The following ABTB2 variants were observed in gnomAD, a reference collection of about 807,000 sequenced individuals.
ABTB2 encodes the protein ankyrin repeat and BTB domain containing 2.
In ABTB2, 56 loss-of-function variants were observed where a neutral mutation model predicts 104.1. The observed-to-expected ratio is 0.54, with a 90% confidence interval of 0.43 to 0.67. The LOEUF (loss-of-function observed/expected upper bound fraction) is 0.67. ABTB2 is among the 30% of genes least tolerant of loss of function. The pLI, the probability that ABTB2 is intolerant of heterozygous loss-of-function variation, is 0.00. For missense variants in ABTB2, 1,279 were observed against 1,407.7 expected, an observed-to-expected ratio of 0.91 and a Z score of 1.46; for synonymous variants, 606 against 608.2, an observed-to-expected ratio of 1.00 and a Z score of 0.05.
intron 1 of ABTB2, among the ~76,000 whole-genome samples, chr11:34,211,799 G>T (rs11032554): frequency 0.15 from 22,907 of 148,262 alleles, 1,839 homozygotes; most frequent in East Asian, 0.27. Context: ...TGAGGCAGGA[G>T]AATTGCTTGA....
rs775725508 is a variant in ABTB2 at position 34,159,989 on chromosome 11, ATTG to A, written c.2520_2522del (p.Asn841del). The A allele has an allele frequency of 1.9e-6, 3 of 1,613,584 alleles. No individual in the cohort carries two copies. Among genetic ancestry groups the A allele is most frequent in the Non-Finnish European group, 8.5e-7 (1 of 1,179,740 alleles). On this transcript the variant is annotated inframe_deletion, in exon 13 of 17. Transcript: ENST00000435224. ...GGAAGGTCACATCTGACATCTCCTT[ATTG>A]TTCAAAAAGTGTGGATCTGTGAAAA...
chr11:34,248,868 C>T (rs562280496), intron 1 of ABTB2, among the ~76,000 whole-genome samples: 6 of 152,282 alleles, frequency 3.9e-5, no homozygotes, highest in South Asian at 2.1e-4. Context: ...CGGTGGCTCA[C>T]GCCTGTAATC....
Position 34,160,023 on chromosome 11 carries a change from G to A in ABTB2, c.2504-15C>T. ...AAAGTGTGGATCTGTGAAAAGCGGG[G>A]AGACAGAGGGATATGGCTGAGGAGT... On this transcript the variant is annotated splice_polypyrimidine_tract_variant and intron_variant, in intron 12 of 16. Coordinates refer to ENST00000435224, the MANE Select transcript of ABTB2 (RefSeq NM_145804.3). 1 of 1,598,224 alleles carries A rather than the reference G, an allele frequency of 6.3e-7. No homozygotes were observed. Among genetic ancestry groups the A allele is most frequent in the Non-Finnish European group, 8.6e-7 (1 of 1,166,462 alleles).
At chr11:34,275,060 A>G (rs1229445807) in intron 1 of ABTB2, among the ~76,000 whole-genome samples, 1 of 152,152 alleles carries the variant, frequency 6.6e-6, no homozygotes, top group Non-Finnish European at 1.5e-5. Context: ...CTGCCTCGAG[A>G]GTCCTCATTC....
intron 1 of ABTB2, among the ~76,000 whole-genome samples, chr11:34,314,140 C>T (rs16925419): frequency 0.11 from 17,496 of 152,178 alleles, 1,351 homozygotes; most frequent in East Asian, 0.27. Context: ...TACTCCCATG[C>T]AGGTGGCTTT....
rs112727035 is a variant in ABTB2, at chr11:34,162,672, G to T, written c.2122C>A (p.Arg708=). ...GCCTTGGTGCGGGTCCGGCTCAGCC[G>T]CACGGGCCCCTCGCTGCCACTGCCC... is the stretch of plus-strand genomic sequence containing the variant. The part of the protein sequence containing the change: ...SQGSGSEGPV[R]LSRTRTKALQ... Residue 708 remains arginine, a synonymous_variant, in exon 10 of 17, where the codon CGG becomes AGG. Transcript: ENST00000435224. The T allele has an allele frequency of 2.5e-6, 4 of 1,613,144 alleles. No homozygotes were observed. Among genetic ancestry groups the T allele is most frequent in the South Asian group, 2.2e-5 (2 of 91,080 alleles).
At chr11:34,341,237 G>A (rs565367684) in intron 1 of ABTB2, among the ~76,000 whole-genome samples, 7 of 152,212 alleles carry the variant, frequency 4.6e-5, no homozygotes, top group Non-Finnish European at 1.0e-4. Flanking sequence ...GAAACAACTT[G>A]AGAGGGGCTA....
Position 34,221,119 on chromosome 11 carries a change from C to T in ABTB2, c.884-16429G>A, listed in dbSNP as rs79031769. Among the ~76,000 whole-genome samples the T allele has an allele frequency of 4.2e-3, 632 of 152,184 alleles. 5 individuals carry two copies. The highest frequency in any genetic ancestry group is 0.015 in the African/African-American group (604 of 41,522). On this transcript the variant is annotated intron_variant, in intron 1 of 16. Coordinates refer to ENST00000435224, the MANE Select transcript of ABTB2 (RefSeq NM_145804.3). The stretch of plus-strand genomic sequence containing the variant: ...AGAGTAGCTGGGACTACAAGCCATG[C>T]GCCACCACGCCCGGCTAATTTTTGT...
chr11:34,154,156 C>G lies in ABTB2; in HGVS notation c.2880+109G>C. On this transcript the variant is annotated intron_variant, in intron 16 of 16. Transcript: ENST00000435224. This position sits in a 1 kb window ranked among gnomAD's most constrained non-coding sequence, Gnocchi z 4.9. ...GCCTCTACACTGCCCTCAGAAGCAG[C>G]CTGGTCACCTGCATCTCCTAGCTCA... 1.2e-6 allele frequency: 1 copy of G among 824,442 alleles called. No homozygotes were observed. The highest frequency in any genetic ancestry group is 2.7e-5 in the East Asian group (1 of 37,046). The allele number at this position is 824,442 out of a possible 1,614,324, so 51.1% of individuals were successfully genotyped here.
intron 1 of ABTB2, among the ~76,000 whole-genome samples, chr11:34,232,452 A>AAACAAAAAC (rs1554984896): frequency 6.6e-6 from 1 of 151,016 alleles, no homozygotes; most frequent in African/African-American, 2.4e-5. Context: ...TCTGTCTCAA[A>AAACAAAAAC]AAAAAAAAAA....
intron 4 of ABTB2, 40 bp from the exon 5 acceptor site, chr11:34,171,111 A>G: frequency 6.3e-7 from 1 of 1,596,676 alleles, no homozygotes; most frequent in South Asian, 1.1e-5. Context: ...GACTGTATGC[A>G]GACAGCAACT....
chr11:34,294,718 A>AT (rs35936764), intron 1 of ABTB2, among the ~76,000 whole-genome samples: 212 of 145,280 alleles, frequency 1.5e-3, no homozygotes, highest in East Asian at 2.0e-3. Context: ...TACAAAAACA[A>AT]TTTTTTTTTT....
intron 3 of ABTB2, among the ~76,000 whole-genome samples, chr11:34,179,524 G>A (rs1029762754): frequency 2.6e-5 from 4 of 152,196 alleles, no homozygotes; most frequent in African/African-American, 9.7e-5. Context: ...GTGGTGTATG[G>A]CTTGCATGCA....
chr11:34,236,556 AC>A, intron 1 of ABTB2, among the ~76,000 whole-genome samples: 1 of 152,114 alleles, frequency 6.6e-6, no homozygotes, highest in African/African-American at 2.4e-5. Context: ...AAGCCAGAGG[AC>A]CCCATTCTCT....
rs1415147871 is a variant in ABTB2 at position 34,356,116 on chromosome 11, C to A, written c.883+585G>T. On this transcript the variant is annotated intron_variant, in intron 1 of 16. Coordinates refer to ENST00000435224, the MANE Select transcript of ABTB2 (RefSeq NM_145804.3). The surrounding 1 kb of genome is among the most constrained non-coding windows in gnomAD (Gnocchi z 4.6). ...ATTCCTGGGCACATATAGGTAAGAG[C>A]GAACCACTACCCCTCCATCCCCCAA... Among the ~76,000 whole-genome samples the A allele has an allele frequency of 6.6e-6, 1 of 152,144 alleles. No homozygotes were observed. The highest frequency in any genetic ancestry group is 1.5e-5 in the Non-Finnish European group (1 of 68,030).
intron 2 of ABTB2, among the ~76,000 whole-genome samples, chr11:34,203,414 C>A (rs1565139948): frequency 6.6e-6 from 1 of 152,184 alleles, no homozygotes; most frequent in Non-Finnish European, 1.5e-5. Flanking sequence ...TTACTGTCTG[C>A]AGGGCACAAG....
intron 3 of ABTB2, among the ~76,000 whole-genome samples, chr11:34,192,401 G>A (rs1331662216): frequency 6.6e-6 from 1 of 152,206 alleles, no homozygotes; most frequent in Non-Finnish European, 1.5e-5. Flanking sequence ...AAGTGGCAAG[G>A]TAGATCTCAA....
chr11:34,159,441 T>A (rs1852676388), intron 13 of ABTB2, 55 bp from the exon 14 acceptor site: 2 of 1,179,210 alleles, frequency 1.7e-6, no homozygotes, highest in Admixed American at 3.4e-5. Flanking sequence ...TTCACCACTG[T>A]GTGGCGATGG....
At chr11:34,326,929 T>C (rs1024944811) in intron 1 of ABTB2, among the ~76,000 whole-genome samples, 5 of 152,156 alleles carry the variant, frequency 3.3e-5, no homozygotes, top group Admixed American at 6.5e-5. Context: ...AATTATTTTG[T>C]ATTTGGGCGT....
Sources: allele counts gnomAD v4.1 joint callset (sites outside exome capture counted in the v4.1 genomes callset), GRCh38; gene constraint gnomAD v4.1.1; non-coding constraint Gnocchi (gnomAD v3.1); transcripts MANE v1.5; gene names NCBI Gene and HGNC (gene_info 2026-07-23, HGNC 2026-07-21).